Variants in DPF3 observed in about 807,000 individuals in gnomAD.
DPF3 encodes the protein double PHD fingers 3.
In DPF3, 18 loss-of-function variants were observed where a neutral mutation model predicts 56.8. That is an observed-to-expected ratio of 0.32 (90% CI 0.22 to 0.47). DPF3 has a LOEUF of 0.47. Among genes scored for constraint, DPF3 ranks in the 20% least tolerant of loss-of-function variants. The pLI is 1.00. For synonymous variants in DPF3, 188 were observed against 180.2 expected (o/e 1.04, Z -0.35); for missense variants, 403 against 488.8 (o/e 0.82, Z 1.65).
At chr14:72,858,900 T>C (rs1400438875) in intron 1 of DPF3, among the ~76,000 whole-genome samples, 2 of 152,186 alleles carry the variant, frequency 1.3e-5, no homozygotes, top group Non-Finnish European at 2.9e-5. Context: ...TATACATCAT[T>C]TCTATAAAAA....
intron 2 of DPF3, among the ~76,000 whole-genome samples, chr14:72,771,472 C>T (rs1891528050): frequency 6.6e-6 from 1 of 152,104 alleles, no homozygotes. Context: ...GGATAAACAC[C>T]TTTAGCTCTT....
chr14:72,861,739 G>GAAAGAAAGAGAAAGAAAGAAAT (rs1442940130), intron 1 of DPF3, among the ~76,000 whole-genome samples: 1 of 91,788 alleles, frequency 1.1e-5, no homozygotes, highest in Non-Finnish European at 2.3e-5. Context: ...GAAAGAAAGA[G>GAAAGAAAGAGAAAGAAAGAAAT]AAAGAAAGAA....
chr14:72,818,966 C>T (rs572843569), intron 1 of DPF3, among the ~76,000 whole-genome samples: 13 of 152,056 alleles, frequency 8.5e-5, no homozygotes, highest in Admixed American at 5.2e-4. Context: ...TACATACATA[C>T]ATATATGACA....
intron 8 of DPF3, among the ~76,000 whole-genome samples, chr14:72,668,906 T>C (rs1004858457): frequency 1.3e-5 from 2 of 152,190 alleles, no homozygotes; most frequent in Non-Finnish European, 2.9e-5. Context: ...GTACATTGTA[T>C]CCCCGTAGCA....
intron 6 of DPF3, among the ~76,000 whole-genome samples, chr14:72,706,384 T>C (rs1888403653): frequency 6.6e-6 from 1 of 152,206 alleles, no homozygotes; most frequent in Admixed American, 6.5e-5. Flanking sequence ...GGCAGTGTGC[T>C]ATCTCCTGCA....
intron 1 of DPF3, chr14:72,892,767 G>A: frequency 1.1e-6 from 1 of 919,882 alleles, no homozygotes; most frequent in Non-Finnish European, 1.3e-6. Context: ...CTTCGTCCGG[G>A]CGGGGAAGTC....
chr14:72,746,800 A>T (rs1424499773), intron 3 of DPF3, among the ~76,000 whole-genome samples: 1 of 152,250 alleles, frequency 6.6e-6, no homozygotes, highest in Non-Finnish European at 1.5e-5. Context: ...CAGAGGCTGA[A>T]GAAGCCTCTC....
At chr14:72,889,212 G>A (rs931499293) in intron 1 of DPF3, among the ~76,000 whole-genome samples, 2 of 152,072 alleles carry the variant, frequency 1.3e-5, no homozygotes, top group Non-Finnish European at 2.9e-5. Flanking sequence ...ATGTCTCCCG[G>A]GAGGCCTGCA....
chr14:72,782,694 G>A (rs1453942072), intron 1 of DPF3, among the ~76,000 whole-genome samples: 3 of 152,158 alleles, frequency 2.0e-5, no homozygotes, highest in Non-Finnish European at 4.4e-5. Flanking sequence ...TTAGCCAGGT[G>A]TAATGGCGGA....
chr14:72,749,260 G>T (rs1890455891), intron 3 of DPF3, among the ~76,000 whole-genome samples: 1 of 152,220 alleles, frequency 6.6e-6, no homozygotes, highest in South Asian at 2.1e-4. Flanking sequence ...GGAGTTTTAA[G>T]ATTTGACTGC....
At chr14:72,860,152 T>G (rs908603519) in intron 1 of DPF3, among the ~76,000 whole-genome samples, 3 of 150,738 alleles carry the variant, frequency 2.0e-5, no homozygotes, top group Admixed American at 2.0e-4. Context: ...TTGCTTGAAT[T>G]TCACTTTTAT....
intron 1 of DPF3, among the ~76,000 whole-genome samples, chr14:72,859,253 A>G (rs559832777): frequency 1.1e-4 from 17 of 152,242 alleles, no homozygotes; most frequent in South Asian, 8.3e-4. Flanking sequence ...GGTGATGGGT[A>G]TAAGAGTGTT....
chr14:72,686,562 T>G (rs984705783), intron 7 of DPF3, among the ~76,000 whole-genome samples: 1 of 152,236 alleles, frequency 6.6e-6, no homozygotes, highest in Non-Finnish European at 1.5e-5. Flanking sequence ...GGGTCAAGGA[T>G]GTAGATGACC....
chr14:72,671,571 T>C, intron 8 of DPF3: 1 of 704,996 alleles, frequency 1.4e-6, no homozygotes, highest in Non-Finnish European at 2.6e-6. Flanking sequence ...CCATAGTACA[T>C]ATGTCCACAG....
chr14:72,692,084 G>C (rs1459403736), intron 7 of DPF3, among the ~76,000 whole-genome samples: 3 of 152,214 alleles, frequency 2.0e-5, no homozygotes, highest in African/African-American at 7.2e-5. Context: ...TTTGGTGAAA[G>C]TGGCCAGTGG....
intron 1 of DPF3, 69 bp downstream of exon 1, chr14:72,893,988 C>T: frequency 6.3e-7 from 1 of 1,593,756 alleles, no homozygotes; most frequent in South Asian, 1.1e-5. Context: ...CAGCGCTCGC[C>T]ACGCAGAAGG....
At chr14:72,643,134 C>T (rs1475754676) in intron 8 of DPF3, among the ~76,000 whole-genome samples, 1 of 152,206 alleles carries the variant, frequency 6.6e-6, no homozygotes, top group African/African-American at 2.4e-5. Flanking sequence ...CTCACTACAC[C>T]ATGTCCTAGG....
chr14:72,855,658 T>C (rs1351438049), intron 1 of DPF3, among the ~76,000 whole-genome samples: 2 of 152,210 alleles, frequency 1.3e-5, no homozygotes, highest in African/African-American at 4.8e-5. Flanking sequence ...CTTAGTTTTA[T>C]AGGGAGCCTT....
intron 1 of DPF3, among the ~76,000 whole-genome samples, chr14:72,777,918 G>A (rs1489784801): frequency 6.6e-6 from 1 of 152,080 alleles, no homozygotes; most frequent in African/African-American, 2.4e-5. Flanking sequence ...CCAAATCTCA[G>A]GTATTTCTTT....
Sources: allele counts gnomAD v4.1 joint callset (sites outside exome capture counted in the v4.1 genomes callset), GRCh38; gene constraint gnomAD v4.1.1; transcripts MANE v1.5; gene names NCBI Gene and HGNC (gene_info 2026-07-23, HGNC 2026-07-21).